CASZ1: variants seen among roughly 807,000 people sequenced by gnomAD.
The protein encoded by CASZ1 is castor zinc finger 1, also known as zinc finger protein castor homolog 1.
Under a neutral mutation model 135.2 loss-of-function variants are expected in CASZ1, and 28 were observed. That is an observed-to-expected ratio of 0.21 (90% CI 0.15 to 0.28). The LOEUF is 0.28. Ranked by LOEUF, CASZ1 falls within the 10% of genes least tolerant of loss-of-function variation. CASZ1 has a pLI of 1.00. For missense variants in CASZ1, 2,161 were observed against 2,453.3 expected, an observed-to-expected ratio of 0.88 and a Z score of 2.52; for synonymous variants, 1,068 against 1,073.4, an observed-to-expected ratio of 0.99 and a Z score of 0.10.
chr1:10,725,741 C>T lies in CASZ1; in HGVS notation c.-76-20197G>A, dbSNP rs1639584873. On this transcript the variant is annotated intron_variant, in intron 2 of 20. Coordinates refer to ENST00000377022, the MANE Select transcript of CASZ1 (RefSeq NM_001079843.3). The surrounding 1 kb of genome is among the most constrained non-coding windows in gnomAD (Gnocchi z 4.4). ...CCTTTTTTTTTTTTTACTAGGAGAC[C>T]CCAGAGAGGATGATCCTGGGGAACC... 6.6e-6 allele frequency among the ~76,000 whole-genome samples: 1 copy of T among 151,342 alleles called. No individual in the cohort carries two copies. The highest frequency in any genetic ancestry group is 1.9e-4 in the East Asian group (1 of 5,150).
chr1:10,706,228 C>G lies in CASZ1; in HGVS notation c.-76-684G>C, dbSNP rs934085355. On this transcript the variant is annotated intron_variant, in intron 2 of 20. Coordinates refer to ENST00000377022, the MANE Select transcript of CASZ1 (RefSeq NM_001079843.3). The surrounding 1 kb of genome is among the most constrained non-coding windows in gnomAD (Gnocchi z 4.3). Reference sequence around the variant, plus strand: ...GTGGAGGCTTTAACCAACACGCGGCCTGGCCCAGCGTGCCAGGCTGGGGCC... The same window carrying G: ...GTGGAGGCTTTAACCAACACGCGGCGTGGCCCAGCGTGCCAGGCTGGGGCC... Among the ~76,000 whole-genome samples the G allele has an allele frequency of 2.6e-5, 4 of 152,236 alleles. No homozygotes were observed. The highest frequency in any genetic ancestry group is 6.5e-5 in the Admixed American group (1 of 15,294).
intron 2 of CASZ1, among the ~76,000 whole-genome samples, chr1:10,748,291 C>T (rs530290037): frequency 9.9e-5 from 15 of 152,056 alleles, no homozygotes; most frequent in African/African-American, 1.9e-4. Context: ...TGGGCAGGGG[C>T]GGCAGGCCGA....
rs1241325165 is a variant in CASZ1, at chr1:10,638,869, G to A, written c.*73C>T. On this transcript the variant is annotated 3_prime_UTR_variant, in exon 21 of 21. Transcript: ENST00000377022. This position sits in a 1 kb window ranked among gnomAD's most constrained non-coding sequence, Gnocchi z 5.9. The stretch of plus-strand genomic sequence containing the variant: ...GCGGGGCGCGGGGCTCTGCCCAGGG[G>A]CCGCTTCGCGCGGGGCGGCGCCGCT... 2.0e-6 allele frequency: 2 copies of A among 981,564 alleles called. No individual in the cohort carries two copies. The highest frequency in any genetic ancestry group is 2.4e-6 in the Non-Finnish European group (2 of 827,836). The allele number at this position is 981,564 out of a possible 1,614,324, so 60.8% of individuals were successfully genotyped here. A position where few individuals can be genotyped will look rare whatever the true frequency, so the allele number is the denominator to read the frequency against.
chr1:10,753,719 G>C (rs530207711), intron 2 of CASZ1, among the ~76,000 whole-genome samples: 1 of 152,274 alleles, frequency 6.6e-6, no homozygotes, highest in East Asian at 1.9e-4. Flanking sequence ...AGACCCCTCT[G>C]TGCCCTCTCT....
chr1:10,762,062 C>T lies in CASZ1; in HGVS notation c.-233-1205G>A, dbSNP rs1263628227. ...GCAGGTTCTCCAACTTGGCCCGGCC[C>T]TCAGAGTCCCCGGAGGCCTTGCAGG... On this transcript the variant is annotated intron_variant, in intron 1 of 20. Transcript: ENST00000377022. This position sits in a 1 kb window ranked among gnomAD's most constrained non-coding sequence, Gnocchi z 4.1. 6.6e-6 allele frequency among the ~76,000 whole-genome samples: 1 copy of T among 152,212 alleles called. No individual in the cohort carries two copies. Among genetic ancestry groups the T allele is most frequent in the African/African-American group, 2.4e-5 (1 of 41,462 alleles).
In CASZ1 at chr1:10,638,308, G is replaced by A. The variant is rs1410425713; in HGVS notation, c.*634C>T. ...TGGACGCAGCCTCGGTTTCCCTGGGGCGGAGGCTGGGGCCAGGGAGTCGCC... is the reference window on the plus strand; with the variant it reads ...TGGACGCAGCCTCGGTTTCCCTGGGACGGAGGCTGGGGCCAGGGAGTCGCC... On this transcript the variant is annotated 3_prime_UTR_variant, in exon 21 of 21. Transcript: ENST00000377022. This position sits in a 1 kb window ranked among gnomAD's most constrained non-coding sequence, Gnocchi z 5.9. 6.6e-6 allele frequency: 1 copy of A among 151,844 alleles called. No individual in the cohort carries two copies. The highest frequency in any genetic ancestry group is 2.4e-5 in the African/African-American group (1 of 41,302). 9.4% of individuals were successfully genotyped at this position (151,844 alleles called of 1,614,324 possible).
At chr1:10,749,884 T>C (rs918999604) in intron 2 of CASZ1, among the ~76,000 whole-genome samples, 2 of 151,906 alleles carry the variant, frequency 1.3e-5, no homozygotes, top group African/African-American at 4.8e-5. Flanking sequence ...GGGCACCGAG[T>C]AGAAGTTGCT....
chr1:10,761,394 C>T (rs954442032), intron 1 of CASZ1, among the ~76,000 whole-genome samples: 3 of 152,328 alleles, frequency 2.0e-5, no homozygotes, highest in Non-Finnish European at 2.9e-5. Context: ...GTCTCTGCAG[C>T]GACCCAGGAT....
intron 20 of CASZ1, among the ~76,000 whole-genome samples, chr1:10,640,712 C>T (rs561735109): frequency 1.3e-5 from 2 of 152,332 alleles, no homozygotes; most frequent in African/African-American, 4.8e-5. Flanking sequence ...AGGACCAGGA[C>T]TCAGGGAGCT....
At chr1:10,681,438 G>T (rs930831091) in intron 4 of CASZ1, among the ~76,000 whole-genome samples, 1 of 152,104 alleles carries the variant, frequency 6.6e-6, no homozygotes, top group Non-Finnish European at 1.5e-5. Flanking sequence ...CCCCCTCAGC[G>T]GCAGAAACTG....
Position 10,739,249 on chromosome 1 carries a change from G to A in CASZ1, c.-77+21452C>T, listed in dbSNP as rs1434985228. On this transcript the variant is annotated intron_variant, in intron 2 of 20. Coordinates refer to ENST00000377022, the MANE Select transcript of CASZ1 (RefSeq NM_001079843.3). This position sits in a 1 kb window ranked among gnomAD's most constrained non-coding sequence, Gnocchi z 4.8. The stretch of plus-strand genomic sequence containing the variant: ...AGCTGCGGGACGGGTGCATTCACGA[G>A]GGGGGTGTGTGCGCCTGGGGGTCAC... Among the ~76,000 whole-genome samples the A allele has an allele frequency of 2.0e-5, 3 of 152,126 alleles. No homozygotes were observed. The highest frequency in any genetic ancestry group is 4.4e-5 in the Non-Finnish European group (3 of 68,012).
rs114345649 is a variant in CASZ1 at position 10,645,546 on chromosome 1, G to T, written c.3697-458C>A. 5.3e-3 allele frequency among the ~76,000 whole-genome samples: 813 copies of T among 152,288 alleles called. 12 individuals are homozygous for T. The highest frequency in any genetic ancestry group is 0.019 in the African/African-American group (779 of 41,574). On this transcript the variant is annotated intron_variant, in intron 17 of 20. Transcript: ENST00000377022. ...CTGTCTCAAAAAAAAGGCAGTGTCTGCCCTTAGTCACTGCACTAAAGCATC... is the reference window on the plus strand; with the variant it reads ...CTGTCTCAAAAAAAAGGCAGTGTCTTCCCTTAGTCACTGCACTAAAGCATC...
Position 10,721,656 on chromosome 1 carries a change from C to T in CASZ1, c.-76-16112G>A, listed in dbSNP as rs1417894718. 6.6e-6 allele frequency among the ~76,000 whole-genome samples: 1 copy of T among 152,212 alleles called. No individual in the cohort carries two copies. Among genetic ancestry groups the T allele is most frequent in the East Asian group, 1.9e-4 (1 of 5,186 alleles). Reference sequence around the variant, plus strand: ...GGCTGGACGAGGGTGGAGGGTACGCCAGTGACCTCCCCTCCTAAGCTGCAC... The same window carrying T: ...GGCTGGACGAGGGTGGAGGGTACGCTAGTGACCTCCCCTCCTAAGCTGCAC... On this transcript the variant is annotated intron_variant, in intron 2 of 20. Coordinates refer to ENST00000377022, the MANE Select transcript of CASZ1 (RefSeq NM_001079843.3). This position sits in a 1 kb window ranked among gnomAD's most constrained non-coding sequence, Gnocchi z 5.4.
In CASZ1 at chr1:10,665,146, C is replaced by T. The variant is rs1643185743; in HGVS notation, c.442G>A (p.Glu148Lys). The T allele has an allele frequency of 6.5e-7, 1 of 1,536,242 alleles. No individual in the cohort carries two copies. Among genetic ancestry groups the T allele is most frequent in the Non-Finnish European group, 8.8e-7 (1 of 1,139,404 alleles). The change falls in exon 5 of 21, where the codon GAG (glutamate) becomes AAG (lysine). Residue 148 changes from glutamate (E) to lysine (K), a missense_variant. Around this residue, in one of 7 missense-constraint regions of CASZ1, gnomAD observed 590 missense variants for 609.8 expected, o/e 0.97. Coordinates refer to ENST00000377022, the MANE Select transcript of CASZ1 (RefSeq NM_001079843.3). ...EPSKDGGALE[E>K]KDSDGAASKE... ...GAGGCTGCCCCGTCCGAATCCTTCT[C>T]CTCCAGGGCACCGCCGTCCTTGGAG...
chr1:10,709,390 G>A lies in CASZ1; in HGVS notation c.-76-3846C>T, dbSNP rs976168204. On this transcript the variant is annotated intron_variant, in intron 2 of 20. Coordinates refer to ENST00000377022, the MANE Select transcript of CASZ1 (RefSeq NM_001079843.3). The surrounding 1 kb of genome is among the most constrained non-coding windows in gnomAD (Gnocchi z 5.1). The stretch of plus-strand genomic sequence containing the variant: ...CATGTCAGCCCGGCAGTGTGAGGAG[G>A]GGGGCGGCATAGACAACAGGGGCAG... Among the ~76,000 whole-genome samples the A allele has an allele frequency of 2.6e-5, 4 of 152,174 alleles. No individual in the cohort carries two copies. Among genetic ancestry groups the A allele is most frequent in the African/African-American group, 4.8e-5 (2 of 41,444 alleles).
intron 1 of CASZ1, among the ~76,000 whole-genome samples, chr1:10,765,647 TC>T (rs1240052038): frequency 1.3e-5 from 2 of 152,052 alleles, no homozygotes; most frequent in African/African-American, 4.8e-5. Context: ...GGCAACGGCC[TC>T]ATTGGACCTG....
At position 10,700,082 on chromosome 1, in the gene CASZ1, C is replaced by CACACACACACACACACACACACAT. The variant is rs1639029174; in HGVS notation, c.-24+5409_-24+5410insATGTGTGTGTGTGTGTGTGTGTGT. Among the ~76,000 whole-genome samples the CACACACACACACACACACACACAT allele has an allele frequency of 7.1e-6, 1 of 140,406 alleles. No homozygotes were observed. Among genetic ancestry groups the CACACACACACACACACACACACAT allele is most frequent in the Non-Finnish European group, 1.6e-5 (1 of 64,500 alleles). 92.1% of individuals were successfully genotyped at this position (140,406 alleles called of 152,430 possible). On this transcript the variant is annotated intron_variant, in intron 3 of 20. Transcript: ENST00000377022. This position sits in a 1 kb window ranked among gnomAD's most constrained non-coding sequence, Gnocchi z 4.2. ...ACAGAGAGAGAAAGAGAGATAGAGA[C>CACACACACACACACACACACACAT]ACACACACACACACACACACACACA...
intron 1 of CASZ1, among the ~76,000 whole-genome samples, chr1:10,765,895 C>A (rs1469985184): frequency 2.0e-5 from 3 of 152,182 alleles, no homozygotes; most frequent in Admixed American, 1.3e-4. Context: ...TCTGTTCCAC[C>A]CCTCCCCCAC....
chr1:10,738,438 AG>A (rs2100525182), intron 2 of CASZ1, among the ~76,000 whole-genome samples: 1 of 152,318 alleles, frequency 6.6e-6, no homozygotes, highest in South Asian at 2.1e-4. Context: ...AGGCCGGGGA[AG>A]GGGGAGGACA....
Sources: gnomAD v4.1 joint callset for allele counts (sites outside exome capture counted in the v4.1 genomes callset) on GRCh38, gnomAD v4.1.1 for gene constraint, gnomAD v4.1.1 regional missense constraint, Gnocchi (gnomAD v3.1) non-coding constraint, MANE v1.5 for transcripts, NCBI Gene and HGNC (gene_info 2026-07-23, HGNC 2026-07-21) for gene names.